APBA2: variants seen among roughly 807,000 people sequenced by gnomAD.
APBA2 encodes amyloid beta precursor protein binding family A member 2, also known as amyloid-beta A4 precursor protein-binding family A member 2.
In APBA2, 30 loss-of-function variants were observed where a neutral mutation model predicts 75.0. The observed-to-expected ratio is 0.40, with a 90% CI of 0.30 to 0.54. The LOEUF (loss-of-function observed/expected upper bound fraction) is 0.54, where lower values mean the gene tolerates loss of function less well. Among genes scored for constraint, APBA2 ranks in the 20% least tolerant of loss-of-function variants. The pLI, the probability that APBA2 is intolerant of heterozygous loss-of-function variation, is 0.49. For synonymous variants in APBA2, 444 were observed against 409.6 expected, an observed-to-expected ratio of 1.08 and a Z score of -1.01; for missense variants, 801 against 1,016.1, an observed-to-expected ratio of 0.79 and a Z score of 2.88.
At chr15:28,898,413 A>G (rs991708523) in intron 1 of APBA2, among the ~76,000 whole-genome samples, 10 of 152,184 alleles carry the variant, frequency 6.6e-5, no homozygotes, top group Non-Finnish European at 1.5e-4. Context: ...GAGAATGAGC[A>G]CTCTGCAAAT....
intron 10 of APBA2, among the ~76,000 whole-genome samples, chr15:29,104,377 A>G (rs1447313762): frequency 1.3e-5 from 2 of 152,222 alleles, no homozygotes; most frequent in East Asian, 3.9e-4. Flanking sequence ...CCGCGCTCCC[A>G]GGGCTGCACA....
rs114342254 is a variant in APBA2, at chr15:29,106,348, G to T, written c.1705-259G>T. On this transcript the variant is annotated intron_variant, in intron 11 of 14. Transcript: ENST00000683413. ...GGGGTCAATGCCAGGCACGGGTGGG[G>T]ATAGGGGGTCTGTGCTTCCAGGTTC... 3.2e-3 allele frequency among the ~76,000 whole-genome samples: 464 copies of T among 147,262 alleles called. 2 individuals are homozygous for T. Among genetic ancestry groups the T allele is most frequent in the African/African-American group, 0.011 (456 of 40,230 alleles).
At position 29,074,781 on chromosome 15, in the gene APBA2, A is replaced by G. The variant is rs1160362498; in HGVS notation, c.952-140A>G. 5.6e-6 allele frequency: 4 copies of G among 709,220 alleles called. No individual in the cohort carries two copies. The South Asian group carries it at 6.2e-5, about 11-fold the overall frequency. The allele number at this position is 709,220 out of a possible 1,614,324, so 43.9% of individuals were successfully genotyped here. ...TGCATAGCAGTTTAAGTATAATTAA[A>G]TAGACGTCTGCACACACACCTATAC... On this transcript the variant is annotated intron_variant, in intron 4 of 14. Coordinates refer to ENST00000683413, the MANE Select transcript of APBA2 (RefSeq NM_001353788.2).
chr15:29,110,780 G>C (rs938688426), intron 13 of APBA2, among the ~76,000 whole-genome samples: 8 of 152,210 alleles, frequency 5.3e-5, no homozygotes, highest in African/African-American at 1.9e-4. Context: ...TGGGAAAGGA[G>C]GGGACAGCCT....
At chr15:29,010,047 A>G (rs1209655266) in intron 3 of APBA2, among the ~76,000 whole-genome samples, 2 of 152,124 alleles carry the variant, frequency 1.3e-5, no homozygotes, top group Non-Finnish European at 2.9e-5. Context: ...TTTGCTCCAC[A>G]TCCTTGCTCA....
chr15:28,973,686 A>G (rs1407350301), intron 2 of APBA2, among the ~76,000 whole-genome samples: 1 of 152,224 alleles, frequency 6.6e-6, no homozygotes, highest in Non-Finnish European at 1.5e-5. Context: ...AAAGGTAGGG[A>G]TAAGTATGGA....
At chr15:29,088,169 C>G (rs181531882) in intron 6 of APBA2, among the ~76,000 whole-genome samples, 1 of 152,150 alleles carries the variant, frequency 6.6e-6, no homozygotes, top group Non-Finnish European at 1.5e-5. Context: ...TAGTTGGCCT[C>G]CTGCTAGCAT....
intron 4 of APBA2, chr15:29,071,207 C>T: frequency 1.3e-5 from 5 of 374,302 alleles, no homozygotes; most frequent in South Asian, 8.0e-5. Context: ...TTTTTAAAAT[C>T]CAAGCTTTAG....
At chr15:28,970,268 T>C (rs888147006) in intron 2 of APBA2, 6 of 151,978 alleles carry the variant, frequency 3.9e-5, no homozygotes, top group Non-Finnish European at 7.4e-5. Context: ...ATAAAACTTA[T>C]GTTAATATAC....
intron 4 of APBA2, among the ~76,000 whole-genome samples, chr15:29,064,264 C>T (rs968474000): frequency 2.0e-5 from 3 of 152,086 alleles, no homozygotes; most frequent in African/African-American, 4.8e-5. Context: ...TTCCAGTTTC[C>T]ACCCCGAATT....
chr15:28,920,191 C>A (rs574750606), intron 1 of APBA2, among the ~76,000 whole-genome samples: 7 of 152,128 alleles, frequency 4.6e-5, no homozygotes, highest in African/African-American at 1.7e-4. Flanking sequence ...GTGTGATTTC[C>A]CCTAGAATTC....
chr15:28,917,876 T>TG (rs2033758007), intron 1 of APBA2, among the ~76,000 whole-genome samples: 2 of 152,178 alleles, frequency 1.3e-5, no homozygotes, highest in South Asian at 2.1e-4. Flanking sequence ...GCAGGGGTAC[T>TG]GGGGGCCAGC....
intron 1 of APBA2, among the ~76,000 whole-genome samples, chr15:28,907,464 T>C (rs2033187216): frequency 6.6e-6 from 1 of 152,218 alleles, no homozygotes; most frequent in Admixed American, 6.5e-5. Context: ...CTTTCTTCTA[T>C]ATTCCTTTGA....
At chr15:28,944,307 C>T (rs2035415117) in intron 2 of APBA2, among the ~76,000 whole-genome samples, 1 of 152,152 alleles carries the variant, frequency 6.6e-6, no homozygotes, top group Non-Finnish European at 1.5e-5. Context: ...TGCCTCTTGC[C>T]ATCCTCTATT....
At chr15:28,943,750 TCC>T (rs2035372825) in intron 2 of APBA2, among the ~76,000 whole-genome samples, 1 of 152,026 alleles carries the variant, frequency 6.6e-6, no homozygotes, top group African/African-American at 2.4e-5. Flanking sequence ...CAGCCCTGGC[TCC>T]TCCAGCCCTG....
At chr15:29,116,246 C>T (rs1041957900) in intron 14 of APBA2, among the ~76,000 whole-genome samples, 1 of 152,148 alleles carries the variant, frequency 6.6e-6, no homozygotes, top group Non-Finnish European at 1.5e-5. Flanking sequence ...CACCGATCCC[C>T]AAAGGCTAAG....
Position 29,117,346 on chromosome 15 carries a change from T to TG in APBA2, c.*214dup, listed in dbSNP as rs1447125796. 8.3e-6 allele frequency: 5 copies of TG among 600,712 alleles called. No individual in the cohort carries two copies. In the African/African-American group the frequency reaches 9.3e-5, roughly 11 times the overall value. The allele number at this position is 600,712 out of a possible 1,614,324, so 37.2% of individuals were successfully genotyped here. ...AAAGGAGAGTCACAGAACAAATGTT[T>TG]GTTTGTAAAGCGTTCCAAGTATTTT... On this transcript the variant is annotated 3_prime_UTR_variant, in exon 15 of 15. Transcript: ENST00000683413.
At chr15:29,022,717 T>G (rs1169276847) in intron 3 of APBA2, among the ~76,000 whole-genome samples, 1 of 152,236 alleles carries the variant, frequency 6.6e-6, no homozygotes, top group Admixed American at 6.5e-5. Context: ...AGAGTGTTTC[T>G]GCAATTGTTT....
In APBA2 at chr15:29,108,375, G is replaced by A. The variant is rs751602124; in HGVS notation, c.2023G>A (p.Val675Met). Reference protein sequence around the residue: ...PDLKYQLGFSVQNGIICSLMR... With the variant: ...PDLKYQLGFSMQNGIICSLMR... ...CCTCAAGTACCAGCTGGGCTTCAGC[G>A]TGCAGAATGGAATTGTGAGTTCCCC... is the stretch of plus-strand genomic sequence containing the variant. Residue 675 changes from valine to methionine, a missense_variant, in exon 13 of 15, where the codon GTG (valine) becomes ATG (methionine). By Grantham distance (21) the Val-to-Met change is conservative. This residue lies in a region of APBA2 where 367 missense variants were observed against 544.5 expected (regional missense o/e 0.67). Transcript: ENST00000683413. The A allele has an allele frequency of 8.7e-6, 14 of 1,614,064 alleles. No homozygotes were observed. Among genetic ancestry groups the A allele is most frequent in the Admixed American group, 3.3e-5 (2 of 60,026 alleles).
Sources: gnomAD v4.1 joint callset for allele counts (sites outside exome capture counted in the v4.1 genomes callset) on GRCh38, gnomAD v4.1.1 for gene constraint, gnomAD v4.1.1 regional missense constraint, MANE v1.5 for transcripts, NCBI Gene and HGNC (gene_info 2026-07-23, HGNC 2026-07-21) for gene names.